Variants in NEBL observed in about 807,000 individuals in gnomAD.
The protein encoded by NEBL is nebulette.
In NEBL, 122 loss-of-function variants were observed where a neutral mutation model predicts 140.2. The ratio of observed to expected loss-of-function variants is 0.87; its 90% CI spans 0.75 to 1.01. The LOEUF is 1.01. Ranked by LOEUF, NEBL falls within the 50% of genes least tolerant of loss-of-function variation. The pLI is 0.00. For missense variants in NEBL, 1,365 were observed against 1,231.3 expected (o/e 1.11, Z -1.62); for synonymous variants, 436 against 398.9 (o/e 1.09, Z -1.11).
At chr10:21,024,762 A>C (rs1287600163) in intron 2 of NEBL, among the ~76,000 whole-genome samples, 1 of 152,148 alleles carries the variant, frequency 6.6e-6, no homozygotes, top group African/African-American at 2.4e-5. Context: ...ATCCGACAAC[A>C]TTCTGCTCTG....
chr10:21,187,110 C>T (rs1366043379), intron 3 of NEBL, among the ~76,000 whole-genome samples: 5 of 151,446 alleles, frequency 3.3e-5, no homozygotes, highest in African/African-American at 9.7e-5. Context: ...GATGCAAGTA[C>T]GTACCTATGT....
chr10:20,802,998 C>T (rs887886551), intron 26 of NEBL, among the ~76,000 whole-genome samples: 1 of 152,140 alleles, frequency 6.6e-6, no homozygotes, highest in Non-Finnish European at 1.5e-5. Context: ...CGGACCAAGT[C>T]GTGAGAGCAC....
At chr10:20,973,878 T>C (rs1434320980) in intron 3 of NEBL, among the ~76,000 whole-genome samples, 3 of 152,296 alleles carry the variant, frequency 2.0e-5, no homozygotes, top group Non-Finnish European at 4.4e-5. Context: ...ACAGATGCAG[T>C]TCATCTGCCA....
intron 2 of NEBL, among the ~76,000 whole-genome samples, chr10:21,063,865 A>G (rs1271961975): frequency 6.6e-6 from 1 of 151,046 alleles, no homozygotes; most frequent in East Asian, 1.9e-4. Flanking sequence ...GCAAGAGTAC[A>G]TCTCAAAAAA....
chr10:20,854,721 T>C (rs1842885204), intron 9 of NEBL, among the ~76,000 whole-genome samples: 1 of 151,796 alleles, frequency 6.6e-6, no homozygotes, highest in Non-Finnish European at 1.5e-5. Flanking sequence ...CATGTCACCA[T>C]GCCTAGCTAA....
In NEBL at chr10:21,112,076, A is replaced by G. The variant is rs577891110; in HGVS notation, c.164+60307T>C. On this transcript the variant is annotated intron_variant, in intron 2 of 6. Transcript: ENST00000417816. ...CGCCAGTTAGAATGGCGATCATTGAAAAGTCAGGAAACAACAGATGCTGGA... is the reference window on the plus strand; with the variant it reads ...CGCCAGTTAGAATGGCGATCATTGAGAAGTCAGGAAACAACAGATGCTGGA... Among the ~76,000 whole-genome samples the G allele has an allele frequency of 2.0e-5, 3 of 152,358 alleles. No individual in the cohort carries two copies. The East Asian group carries it at 5.8e-4, about 29-fold the overall frequency.
intron 3 of NEBL, among the ~76,000 whole-genome samples, chr10:20,984,688 A>G (rs1326169325): frequency 6.6e-6 from 1 of 151,988 alleles, no homozygotes; most frequent in Non-Finnish European, 1.5e-5. Context: ...CTCACCAAGC[A>G]GAAGTCAGCC....
chr10:21,223,460 C>G (rs1375804191), intron 3 of NEBL, among the ~76,000 whole-genome samples: 2 of 152,160 alleles, frequency 1.3e-5, no homozygotes, highest in Non-Finnish European at 2.9e-5. Context: ...TTGATGGACA[C>G]TTTGGTTGCT....
At chr10:20,969,631 T>C (rs371967046) in intron 3 of NEBL, among the ~76,000 whole-genome samples, 82 of 149,018 alleles carry the variant, frequency 5.5e-4, no homozygotes, top group African/African-American at 2.0e-3. Flanking sequence ...CTGCAACCAC[T>C]GCCTCCCAGA....
chr10:21,129,092 C>T (rs1235255880), intron 2 of NEBL, among the ~76,000 whole-genome samples: 1 of 152,132 alleles, frequency 6.6e-6, no homozygotes, highest in East Asian at 1.9e-4. Context: ...TAGCAACTTT[C>T]TCAGACAAAC....
At chr10:21,261,818 G>A (rs1005013847) in intron 1 of NEBL, among the ~76,000 whole-genome samples, 27 of 152,250 alleles carry the variant, frequency 1.8e-4, no homozygotes, top group African/African-American at 6.5e-4. Flanking sequence ...AGATAGGAGT[G>A]TCAGCGGCAA....
chr10:21,069,159 G>A (rs1414870274), intron 2 of NEBL, among the ~76,000 whole-genome samples: 1 of 152,186 alleles, frequency 6.6e-6, no homozygotes, highest in African/African-American at 2.4e-5. Context: ...AAAGTGTTGG[G>A]ATTACAGTCA....
At chr10:21,191,953 A>C (rs1172678227) in intron 3 of NEBL, among the ~76,000 whole-genome samples, 2 of 152,206 alleles carry the variant, frequency 1.3e-5, no homozygotes, top group East Asian at 3.9e-4. Flanking sequence ...AGTTTTTAGA[A>C]TATCTCTTTT....
At chr10:20,938,700 G>A (rs979088106) in intron 4 of NEBL, among the ~76,000 whole-genome samples, 8 of 152,262 alleles carry the variant, frequency 5.3e-5, no homozygotes, top group African/African-American at 1.9e-4. Flanking sequence ...AAAAAAATTA[G>A]ACGAATGGCT....
intron 18 of NEBL, 54 bp downstream of exon 18, chr10:20,826,393 T>A: frequency 7.4e-7 from 1 of 1,352,440 alleles, no homozygotes; most frequent in Non-Finnish European, 1.1e-6. Flanking sequence ...AAAACATTTG[T>A]CTATAGTTTT....
chr10:20,831,940 T>C (rs561398033), intron 14 of NEBL, among the ~76,000 whole-genome samples: 13 of 152,330 alleles, frequency 8.5e-5, no homozygotes. Flanking sequence ...TGTTTTTCAC[T>C]CTGTAGTGAA....
At chr10:21,273,525 C>G (rs1036547761) in intron 1 of NEBL, among the ~76,000 whole-genome samples, 2 of 152,172 alleles carry the variant, frequency 1.3e-5, no homozygotes, top group Admixed American at 1.3e-4. Flanking sequence ...ATTTGTGAGG[C>G]TGTGGTTTCC....
intron 1 of NEBL, among the ~76,000 whole-genome samples, chr10:21,276,433 C>A (rs1842925989): frequency 6.6e-6 from 1 of 152,182 alleles, no homozygotes; most frequent in African/African-American, 2.4e-5. Flanking sequence ...AAGTTCCTTG[C>A]CTTGAGACCC....
chr10:20,892,294 T>C (rs1847095802), intron 2 of NEBL, among the ~76,000 whole-genome samples: 2 of 152,362 alleles, frequency 1.3e-5, no homozygotes, highest in East Asian at 1.9e-4. Flanking sequence ...AAGGGAGAGA[T>C]GCTGCACAAC....
Sources: allele counts gnomAD v4.1 joint callset (sites outside exome capture counted in the v4.1 genomes callset), GRCh38; gene constraint gnomAD v4.1.1; transcripts MANE v1.5; gene names NCBI Gene and HGNC (gene_info 2026-07-23, HGNC 2026-07-21).